The following SCMH1 variants were observed in gnomAD, a reference collection of about 807,000 sequenced individuals.
SCMH1 encodes Scm polycomb group protein homolog 1.
A neutral mutation model predicts 70.8 loss-of-function variants in SCMH1; 37 were observed. The ratio of observed to expected loss-of-function variants is 0.52; its 90% CI spans 0.40 to 0.69. SCMH1 has a LOEUF of 0.69. Ranked by LOEUF, SCMH1 falls within the 30% of genes least tolerant of loss-of-function variation. The pLI is 0.00. For missense variants in SCMH1, 607 were observed against 827.3 expected (o/e 0.73, Z 3.27); for synonymous variants, 292 against 307.4 (o/e 0.95, Z 0.52).
intron 8 of SCMH1, among the ~76,000 whole-genome samples, chr1:41,107,093 T>A (rs1320204260): frequency 1.3e-5 from 2 of 151,834 alleles, no homozygotes; most frequent in African/African-American, 4.9e-5. Flanking sequence ...TACCTTCCCA[T>A]TCTTAAGGTT....
intron 8 of SCMH1, among the ~76,000 whole-genome samples, chr1:41,104,842 G>A (rs1667486344): frequency 6.6e-6 from 1 of 152,114 alleles, no homozygotes; most frequent in Non-Finnish European, 1.5e-5. Context: ...GTGTACATGT[G>A]TTTAGTAACT....
In SCMH1 at chr1:41,086,348, TACTC is replaced by T. The variant is rs971047184; in HGVS notation, c.746-10901_746-10898del. Among the ~76,000 whole-genome samples, 6 of 152,088 alleles carry T rather than the reference TACTC, an allele frequency of 3.9e-5. No homozygotes were observed. In the East Asian group the frequency reaches 5.8e-4, roughly 15 times the overall value. ...TTAGATAATGTAACAGAGGCAGAAA[TACTC>T]AGGAACAAAGTTAACAGGAAATATG... On this transcript the variant is annotated intron_variant, in intron 8 of 14. Coordinates refer to ENST00000337495, the Ensembl canonical transcript of SCMH1.
Position 41,034,112 on chromosome 1 carries a change from AG to A in SCMH1, c.1678+3249del, listed in dbSNP as rs1422799173. 59 of 1,554,344 alleles carry A rather than the reference AG, an allele frequency of 3.8e-5. 1 individual carries two copies. The highest frequency in any genetic ancestry group is 1.1e-4 in the South Asian group (9 of 84,058). ...GCACATGAGGAACATTCTGCATATGAGGAAGACCTGAGAGGTGAGATGACTG... is the reference window on the plus strand; with the variant it reads ...GCACATGAGGAACATTCTGCATATGAGAAGACCTGAGAGGTGAGATGACTG... On this transcript the variant is annotated intron_variant, in intron 13 of 14. Coordinates refer to ENST00000337495, the Ensembl canonical transcript of SCMH1.
At chr1:41,093,062 ACACACG>A (rs1664090172) in intron 8 of SCMH1, among the ~76,000 whole-genome samples, 1 of 152,178 alleles carries the variant, frequency 6.6e-6, no homozygotes, top group Non-Finnish European at 1.5e-5. Flanking sequence ...TGCTATAAAG[ACACACG>A]CACACATATG....
In SCMH1 at chr1:41,034,063, G is replaced by C. The variant is rs1161507282; in HGVS notation, c.1678+3299C>G. On this transcript the variant is annotated intron_variant, in intron 13 of 14. Transcript: ENST00000337495. ...TTTTAACACTCCTGTGGAAAGACCA[G>C]GTTGGTGTCACCATCTCCAGTTTGC... 6.3e-7 allele frequency: 1 copy of C among 1,598,950 alleles called. No homozygotes were observed. The highest frequency in any genetic ancestry group is 1.1e-5 in the South Asian group (1 of 88,756).
intron 8 of SCMH1, among the ~76,000 whole-genome samples, chr1:41,088,731 A>G (rs182356937): frequency 3.9e-5 from 6 of 152,354 alleles, no homozygotes; most frequent in Admixed American, 3.3e-4. Context: ...AAGTACTTTA[A>G]CCATCTAAGG....
chr1:41,158,518 A>G (rs889836056), intron 4 of SCMH1, among the ~76,000 whole-genome samples: 4 of 152,246 alleles, frequency 2.6e-5, no homozygotes, highest in African/African-American at 7.2e-5. Flanking sequence ...AAAGAAAGGC[A>G]TTATAAAGGC....
intron 1 of SCMH1, among the ~76,000 whole-genome samples, chr1:41,205,600 G>C (rs1208897819): frequency 6.6e-6 from 1 of 152,228 alleles, no homozygotes; most frequent in East Asian, 1.9e-4. Context: ...CTCGAACTGG[G>C]CAGAGCCCAC....
chr1:41,212,749 T>TAC (rs1657292848), intron 1 of SCMH1, among the ~76,000 whole-genome samples: 1 of 152,242 alleles, frequency 6.6e-6, no homozygotes, highest in Non-Finnish European at 1.5e-5. Flanking sequence ...ACCCACTCTG[T>TAC]ACACACAGAG....
intron 13 of SCMH1, among the ~76,000 whole-genome samples, chr1:41,030,024 G>C (rs1402824967): frequency 6.6e-6 from 1 of 152,042 alleles, no homozygotes; most frequent in Non-Finnish European, 1.5e-5. Context: ...GACCAGCTTG[G>C]GCAACAAAGC....
At chr1:41,221,663 G>A (rs568497794) in intron 1 of SCMH1, among the ~76,000 whole-genome samples, 23 of 151,378 alleles carry the variant, frequency 1.5e-4, no homozygotes, top group South Asian at 4.2e-4. Flanking sequence ...CAAGCTGGGC[G>A]GACCACTTGA....
At chr1:41,109,930 A>C (rs1668851740) in intron 8 of SCMH1, among the ~76,000 whole-genome samples, 1 of 152,230 alleles carries the variant, frequency 6.6e-6, no homozygotes, top group Admixed American at 6.5e-5. Flanking sequence ...CCTAGGCATG[A>C]AAATGAGAAA....
intron 8 of SCMH1, among the ~76,000 whole-genome samples, chr1:41,110,786 A>G (rs1669078717): frequency 2.0e-5 from 3 of 152,262 alleles, no homozygotes; most frequent in South Asian, 2.1e-4. Context: ...ATATGTTTCT[A>G]TTCTTTTGGG....
intron 1 of SCMH1, among the ~76,000 whole-genome samples, chr1:41,191,809 G>A (rs1435675247): frequency 6.6e-6 from 1 of 152,162 alleles, no homozygotes; most frequent in Admixed American, 6.5e-5. Flanking sequence ...GGGTTGGACA[G>A]GAACCAGTCC....
At chr1:41,055,574 C>T (rs748913675) in intron 10 of SCMH1, among the ~76,000 whole-genome samples, 15 of 152,164 alleles carry the variant, frequency 9.9e-5, no homozygotes, top group Admixed American at 2.6e-4. Context: ...CCTTGTGATC[C>T]GCCTGCCTTG....
intron 12 of SCMH1, chr1:41,043,405 T>A (rs1035469494): frequency 1.3e-5 from 2 of 151,286 alleles, no homozygotes; most frequent in African/African-American, 4.9e-5. Flanking sequence ...AGTAGTATTT[T>A]ATTAATGTTA....
At chr1:41,121,130 T>G (rs1230332180) in intron 6 of SCMH1, among the ~76,000 whole-genome samples, 2 of 152,154 alleles carry the variant, frequency 1.3e-5, no homozygotes, top group Non-Finnish European at 2.9e-5. Context: ...CAGCATGGGA[T>G]AAGAATCAAT....
chr1:41,032,069 A>G (rs926563621), intron 13 of SCMH1, among the ~76,000 whole-genome samples: 1 of 152,162 alleles, frequency 6.6e-6, no homozygotes, highest in Non-Finnish European at 1.5e-5. Context: ...ATGGCTGTCT[A>G]TGAACCAGGA....
intron 8 of SCMH1, among the ~76,000 whole-genome samples, chr1:41,100,623 T>TGCACTC (rs1666358790): frequency 6.6e-6 from 1 of 150,908 alleles, no homozygotes; most frequent in Non-Finnish European, 1.5e-5. Context: ...TGGAGTGCAG[T>TGCACTC]GGCACGATCT....
Sources: allele counts gnomAD v4.1 joint callset (sites outside exome capture counted in the v4.1 genomes callset), GRCh38; gene constraint gnomAD v4.1.1; transcripts MANE v1.5; gene names NCBI Gene and HGNC (gene_info 2026-07-23, HGNC 2026-07-21).